ZNF704: variants seen among roughly 807,000 people sequenced by gnomAD.
The protein encoded by ZNF704 is glucocorticoid induced gene 1.
Under a neutral mutation model 44.7 loss-of-function variants are expected in ZNF704, and 10 were observed. That is an observed-to-expected ratio of 0.22 (90% confidence interval 0.14 to 0.38). ZNF704 has a LOEUF of 0.38. Among genes scored for constraint, ZNF704 ranks in the 10% least tolerant of loss-of-function variants. ZNF704 has a pLI of 1.00. For synonymous variants in ZNF704, 211 were observed against 207.6 expected (o/e 1.02, Z -0.14); for missense variants, 390 against 545.5 (o/e 0.71, Z 2.84).
chr8:80,680,926 T>C (rs1056596282), intron 4 of ZNF704, among the ~76,000 whole-genome samples: 4 of 152,220 alleles, frequency 2.6e-5, no homozygotes, highest in African/African-American at 9.6e-5. Flanking sequence ...GATACGTGTA[T>C]ACAAAATTAA....
At chr8:80,823,484 A>T (rs182105970) in intron 1 of ZNF704, among the ~76,000 whole-genome samples, 1 of 152,214 alleles carries the variant, frequency 6.6e-6, no homozygotes, top group African/African-American at 2.4e-5. Context: ...TGTAGACTCC[A>T]CCTCTGGGGG....
intron 7 of ZNF704, among the ~76,000 whole-genome samples, chr8:80,649,962 A>G (rs1817890626): frequency 6.6e-6 from 1 of 152,148 alleles, no homozygotes; most frequent in Non-Finnish European, 1.5e-5. Flanking sequence ...CTCTGAGACA[A>G]AACTTCCAGA....
intron 1 of ZNF704, among the ~76,000 whole-genome samples, chr8:80,828,998 C>T (rs564829176): frequency 2.0e-5 from 3 of 152,314 alleles, no homozygotes; most frequent in Non-Finnish European, 4.4e-5. Flanking sequence ...TCCTGTCAGA[C>T]ATATACCCAG....
intron 2 of ZNF704, among the ~76,000 whole-genome samples, chr8:80,813,831 A>G (rs890791520): frequency 6.6e-6 from 1 of 152,156 alleles, no homozygotes; most frequent in Non-Finnish European, 1.5e-5. Context: ...GTGAGCAGAG[A>G]TGGTGCCACT....
At chr8:80,791,177 T>A (rs1807702254) in intron 2 of ZNF704, among the ~76,000 whole-genome samples, 1 of 151,798 alleles carries the variant, frequency 6.6e-6, no homozygotes. Flanking sequence ...AGGATGAGAG[T>A]GTAGAATGTA....
intron 2 of ZNF704, among the ~76,000 whole-genome samples, chr8:80,722,367 A>C (rs1806386026): frequency 6.6e-6 from 1 of 152,226 alleles, no homozygotes; most frequent in Non-Finnish European, 1.5e-5. Flanking sequence ...CTCATCTGTA[A>C]AACAGGGATG....
chr8:80,642,699 C>T (rs945059096), intron 8 of ZNF704, among the ~76,000 whole-genome samples: 4 of 152,168 alleles, frequency 2.6e-5, no homozygotes, highest in African/African-American at 9.7e-5. Flanking sequence ...GGGGAGATCA[C>T]TCTTGATCTG....
intron 2 of ZNF704, among the ~76,000 whole-genome samples, chr8:80,795,503 C>G (rs1807783073): frequency 6.6e-6 from 1 of 151,984 alleles, no homozygotes; most frequent in Non-Finnish European, 1.5e-5. Flanking sequence ...ATATCCAGGA[C>G]TGACTGGAAC....
At chr8:80,648,551 C>G (rs1805645712) in intron 7 of ZNF704, among the ~76,000 whole-genome samples, 1 of 152,154 alleles carries the variant, frequency 6.6e-6, no homozygotes, top group African/African-American at 2.4e-5. Context: ...TATCTATTAT[C>G]TCTTTTAATT....
intron 2 of ZNF704, among the ~76,000 whole-genome samples, chr8:80,730,656 T>G (rs1325382331): frequency 6.6e-6 from 1 of 151,904 alleles, no homozygotes; most frequent in South Asian, 2.1e-4. Flanking sequence ...AAAAATAGAT[T>G]AGATTTTTTT....
chr8:80,699,991 G>A (rs1303626057), intron 2 of ZNF704, among the ~76,000 whole-genome samples: 1 of 152,100 alleles, frequency 6.6e-6, no homozygotes, highest in Admixed American at 6.5e-5. Context: ...GTCAGGTGGG[G>A]TGTGGGCCTT....
intron 2 of ZNF704, among the ~76,000 whole-genome samples, chr8:80,744,180 C>T (rs181673060): frequency 7.2e-5 from 11 of 152,156 alleles, no homozygotes; most frequent in South Asian, 2.1e-4. Context: ...ATTTTAGACA[C>T]GGTGGTTAAA....
intron 2 of ZNF704, among the ~76,000 whole-genome samples, chr8:80,810,735 T>C (rs1256003611): frequency 1.3e-5 from 2 of 152,316 alleles, no homozygotes; most frequent in East Asian, 3.9e-4. Flanking sequence ...TCACAATAAT[T>C]ATAATTGTAC....
At chr8:80,866,411 A>T (rs1809155825) in intron 1 of ZNF704, among the ~76,000 whole-genome samples, 1 of 152,162 alleles carries the variant, frequency 6.6e-6, no homozygotes, top group African/African-American at 2.4e-5. Flanking sequence ...ATATCTCCTA[A>T]CAGAGGGAAT....
At chr8:80,749,076 A>G (rs1327452766) in intron 2 of ZNF704, among the ~76,000 whole-genome samples, 2 of 152,188 alleles carry the variant, frequency 1.3e-5, no homozygotes, top group African/African-American at 4.8e-5. Context: ...CCCTGTGCCC[A>G]CAACGGAATG....
chr8:80,878,524 A>G (rs1809389050), upstream of ZNF704, among the ~76,000 whole-genome samples: 1 of 152,340 alleles, frequency 6.6e-6, no homozygotes, highest in African/African-American at 2.4e-5. Context: ...AAATTATTTT[A>G]AAAGTAAAAG....
upstream of ZNF704, among the ~76,000 whole-genome samples, chr8:80,878,760 TA>T (rs1429979819): frequency 1.3e-5 from 2 of 152,220 alleles, no homozygotes; most frequent in African/African-American, 4.8e-5. Context: ...GCAATTAACT[TA>T]AACTCTCTTT....
intron 4 of ZNF704, among the ~76,000 whole-genome samples, chr8:80,681,967 G>A (rs1326651235): frequency 6.6e-6 from 1 of 152,164 alleles, no homozygotes; most frequent in African/African-American, 2.4e-5. Context: ...TCAGCTCCCT[G>A]CCCTGGCTGA....
At chr8:80,861,246 C>G (rs1194168451) in intron 1 of ZNF704, among the ~76,000 whole-genome samples, 1 of 152,160 alleles carries the variant, frequency 6.6e-6, no homozygotes, top group Non-Finnish European at 1.5e-5. Context: ...AGACAACCCC[C>G]TTGAGCTTTG....
Sources: gnomAD v4.1 joint callset for allele counts (sites outside exome capture counted in the v4.1 genomes callset) on GRCh38, gnomAD v4.1.1 for gene constraint, MANE v1.5 for transcripts, NCBI Gene and HGNC (gene_info 2026-07-23, HGNC 2026-07-21) for gene names.